Variants in PWWP2A observed in about 807,000 individuals in gnomAD.
The protein encoded by PWWP2A is PWWP domain-containing protein 2A.
PWWP2A carries 18 observed loss-of-function variants against 48.5 expected under a neutral mutation model. The ratio of observed to expected loss-of-function variants is 0.37; its 90% CI spans 0.26 to 0.55. The LOEUF is 0.55. Ranked by LOEUF, PWWP2A falls within the 20% of genes least tolerant of loss-of-function variation. The pLI is 0.81. For missense variants in PWWP2A, 867 were observed against 976.4 expected, an observed-to-expected ratio of 0.89 and a Z score of 1.49; for synonymous variants, 396 against 387.7, an observed-to-expected ratio of 1.02 and a Z score of -0.25.
chr5:160,096,622 T>C (rs1196066443), intron 1 of PWWP2A, among the ~76,000 whole-genome samples: 1 of 152,194 alleles, frequency 6.6e-6, no homozygotes, highest in Admixed American at 6.5e-5. Context: ...GCCCTTCCTC[T>C]TACTGATTTA....
At chr5:160,073,004 C>CAAAAAAAAAAAAAA (rs35836307), downstream of PWWP2A, among the ~76,000 whole-genome samples, 5 of 58,858 alleles carry the variant, frequency 8.5e-5, no homozygotes, top group African/African-American at 3.7e-4. Flanking sequence ...GGCTCCGTCT[C>CAAAAAAAAAAAAAA]AAAAAAAAAA....
At chr5:160,118,518 C>T (rs62377732) in intron 1 of PWWP2A, among the ~76,000 whole-genome samples, 30,072 of 151,506 alleles carry the variant, frequency 0.2, 3,685 homozygotes, top group East Asian at 0.28. Flanking sequence ...CAGGCCAAGT[C>T]GCAGAAGAAG....
chr5:160,113,745 T>TTA (rs1344270949), intron 1 of PWWP2A, among the ~76,000 whole-genome samples: 1 of 152,200 alleles, frequency 6.6e-6, no homozygotes, highest in African/African-American at 2.4e-5. Context: ...ACTATATCCT[T>TTA]TATATTATCT....
downstream of PWWP2A, among the ~76,000 whole-genome samples, chr5:160,059,838 G>T (rs963897473): frequency 2.0e-5 from 3 of 152,150 alleles, no homozygotes; most frequent in Non-Finnish European, 4.4e-5. Context: ...AATATTATGA[G>T]AATTACCAAA....
At chr5:160,113,164 AAAAAAAG>A in intron 1 of PWWP2A, 1 of 953,350 alleles carries the variant, frequency 1.0e-6, no homozygotes, top group Non-Finnish European at 1.2e-6. Context: ...GTGTCAAAAA[AAAAAAAG>A]AAAAAAAGCC....
downstream of PWWP2A, among the ~76,000 whole-genome samples, chr5:160,075,671 C>G (rs1450233572): frequency 7.5e-6 from 1 of 133,174 alleles, no homozygotes; most frequent in Non-Finnish European, 1.6e-5. Context: ...ACTGTTCACC[C>G]TTCCTCCATC....
At chr5:160,052,548 CAAAAAAAA>C in the PWWP2A span, among the ~76,000 whole-genome samples, 22 of 68,096 alleles carry the variant, frequency 3.2e-4, no homozygotes, top group Middle Eastern at 0.011. Flanking sequence ...TCTATTTTAG[CAAAAAAAA>C]AAAAAAAAAA....
rs73311120 is a variant in PWWP2A, at chr5:160,080,978, T to A, written c.1550-208A>T. Among the ~76,000 whole-genome samples the A allele has an allele frequency of 3.3e-5, 5 of 152,270 alleles. No individual in the cohort carries two copies. The East Asian group carries it at 9.7e-4, about 29-fold the overall frequency. ...TGAGAGCTGTGTAGACACAACAGCC[T>A]TTGCCAGGAGAGGGCACTCTCCGGC... On this transcript the variant is annotated intron_variant, in intron 2 of 3. Transcript: ENST00000456329.
intron 1 of PWWP2A, among the ~76,000 whole-genome samples, chr5:160,108,092 G>T (rs1225985236): frequency 6.6e-6 from 1 of 151,878 alleles, no homozygotes. Flanking sequence ...ATATTTTTAA[G>T]TTTTATTTTT....
chr5:160,065,073 A>G, intron 4 of PWWP2A: 1 of 1,607,350 alleles, frequency 6.2e-7, no homozygotes, highest in Non-Finnish European at 8.5e-7. Context: ...TAACAAAGAT[A>G]ACAAAAGCTT....
downstream of PWWP2A, among the ~76,000 whole-genome samples, chr5:160,072,839 A>G (rs528377465): frequency 8.7e-4 from 132 of 151,980 alleles, no homozygotes; most frequent in African/African-American, 3.1e-3. Context: ...AAATAAATGA[A>G]TAAGTAAATC....
intron 4 of PWWP2A, among the ~76,000 whole-genome samples, chr5:160,064,064 G>A (rs1207877066): frequency 6.7e-6 from 1 of 148,204 alleles, no homozygotes; most frequent in Non-Finnish European, 1.5e-5. Context: ...TGCCTCCCAG[G>A]TGCAAACGAT....
chr5:160,068,832 CAA>C (rs1268444379), intron 2 of PWWP2A, among the ~76,000 whole-genome samples: 3 of 152,098 alleles, frequency 2.0e-5, no homozygotes, highest in East Asian at 1.9e-4. Flanking sequence ...CATCAGTATT[CAA>C]AAGTCTTCTA....
chr5:160,052,566 A>C, the PWWP2A span, among the ~76,000 whole-genome samples: 1 of 151,334 alleles, frequency 6.6e-6, no homozygotes, highest in Admixed American at 6.6e-5. Context: ...AAAAAAAAAA[A>C]AAAAAAAACT....
downstream of PWWP2A, among the ~76,000 whole-genome samples, chr5:160,088,286 C>T (rs529615528): frequency 2.0e-5 from 3 of 152,194 alleles, no homozygotes; most frequent in South Asian, 2.1e-4. Flanking sequence ...GTGCAACCTC[C>T]GCCTCCCGGG....
intron 1 of PWWP2A, among the ~76,000 whole-genome samples, chr5:160,100,986 T>C (rs1756217700): frequency 6.6e-6 from 1 of 152,202 alleles, no homozygotes. Context: ...GGACAAAGTA[T>C]GAGCTAGACA....
chr5:160,103,462 A>G (rs1756516056), intron 1 of PWWP2A, among the ~76,000 whole-genome samples: 1 of 152,186 alleles, frequency 6.6e-6, no homozygotes, highest in South Asian at 2.1e-4. Flanking sequence ...CTGATAGTAT[A>G]AAACAGTCTC....
downstream of PWWP2A, among the ~76,000 whole-genome samples, chr5:160,088,126 G>C (rs1754785265): frequency 6.6e-6 from 1 of 152,166 alleles, no homozygotes; most frequent in Admixed American, 6.5e-5. Flanking sequence ...AACTAAATCA[G>C]AACCAGGTAA....
chr5:160,089,737 A>G (rs1754918114), downstream of PWWP2A: 3 of 1,222,566 alleles, frequency 2.5e-6, no homozygotes, highest in Non-Finnish European at 3.1e-6. Context: ...CCTTTGTTTT[A>G]GCCACGACTC....
Sources: allele counts gnomAD v4.1 joint callset (sites outside exome capture counted in the v4.1 genomes callset), GRCh38; gene constraint gnomAD v4.1.1; transcripts MANE v1.5; gene names NCBI Gene and HGNC (gene_info 2026-07-23, HGNC 2026-07-21).